GRB2: variants seen among roughly 807,000 people sequenced by gnomAD.
The protein encoded by GRB2 is growth factor receptor bound protein 2.
GRB2 carries 2 observed loss-of-function variants against 27.4 expected under a neutral mutation model. The ratio of observed to expected loss-of-function variants is 0.07; its 90% confidence interval spans 0.03 to 0.23. GRB2 has a LOEUF of 0.23. Among genes scored for constraint, GRB2 ranks in the 10% least tolerant of loss-of-function variants. GRB2 has a pLI of 1.00. For synonymous variants in GRB2, 94 were observed against 99.6 expected (o/e 0.94, Z 0.33); for missense variants, 102 against 282.4 (o/e 0.36, Z 4.58).
chr17:75,371,393 A>C (rs865785296), intron 2 of GRB2: 1 of 152,192 alleles, frequency 6.6e-6, no homozygotes. Flanking sequence ...CTCAGGCAGG[A>C]CAACATTGAG....
chr17:75,355,177 C>G (rs1418415190), intron 2 of GRB2, among the ~76,000 whole-genome samples: 1 of 152,218 alleles, frequency 6.6e-6, no homozygotes, highest in Non-Finnish European at 1.5e-5. Flanking sequence ...TGAATCCCAT[C>G]TCTTCTTGCC....
chr17:75,399,217 T>C (rs1274677012), intron 1 of GRB2, among the ~76,000 whole-genome samples: 2 of 151,068 alleles, frequency 1.3e-5, no homozygotes, highest in East Asian at 3.9e-4. Flanking sequence ...CTGGCTAATT[T>C]TTGTGTGTGT....
intron 2 of GRB2, chr17:75,371,787 G>C (rs1224138819): frequency 6.6e-6 from 1 of 151,616 alleles, no homozygotes; most frequent in Non-Finnish European, 1.5e-5. Flanking sequence ...GCAACTAACT[G>C]AAAATTGACA....
intron 2 of GRB2, among the ~76,000 whole-genome samples, chr17:75,390,392 G>T (rs968924724): frequency 1.3e-5 from 2 of 152,166 alleles, no homozygotes; most frequent in Non-Finnish European, 2.9e-5. Flanking sequence ...CTATTTAGGG[G>T]TCTTGTCAGT....
intron 2 of GRB2, among the ~76,000 whole-genome samples, chr17:75,389,240 CACA>C (rs779153206): frequency 5.9e-5 from 9 of 152,174 alleles, no homozygotes; most frequent in African/African-American, 9.6e-5. Flanking sequence ...CTATCTCAAA[CACA>C]ACAAGCACAA....
At chr17:75,350,139 G>A (rs924024776) in intron 2 of GRB2, among the ~76,000 whole-genome samples, 2 of 150,012 alleles carry the variant, frequency 1.3e-5, no homozygotes, top group African/African-American at 4.9e-5. Flanking sequence ...GATCCCTTAA[G>A]CCCAGCAGTT....
intron 2 of GRB2, among the ~76,000 whole-genome samples, chr17:75,381,330 A>G (rs1027900189): frequency 2.0e-5 from 3 of 152,198 alleles, no homozygotes; most frequent in African/African-American, 7.2e-5. Context: ...AATGTAAGCT[A>G]AAGTAATTTA....
chr17:75,373,576 G>A (rs2145856736), intron 2 of GRB2: 1 of 152,264 alleles, frequency 6.6e-6, no homozygotes, highest in East Asian at 1.9e-4. Flanking sequence ...GCAGTCCTGA[G>A]TGCTGCTAAA....
At chr17:75,336,789 G>A (rs774349371) in intron 2 of GRB2, among the ~76,000 whole-genome samples, 3 of 152,146 alleles carry the variant, frequency 2.0e-5, no homozygotes, top group Non-Finnish European at 4.4e-5. Context: ...CCAGGCTGCA[G>A]TGGAGTGGCA....
At position 75,320,190 on chromosome 17, in the gene GRB2, T is replaced by A; in HGVS notation, c.*178A>T. The A allele has an allele frequency of 1.8e-6, 1 of 562,200 alleles. No individual in the cohort carries two copies. The highest frequency in any genetic ancestry group is 3.2e-6 in the Non-Finnish European group (1 of 309,314). 34.8% of individuals were successfully genotyped at this position (562,200 alleles called of 1,614,324 possible). On this transcript the variant is annotated 3_prime_UTR_variant, in exon 6 of 6. Coordinates refer to ENST00000316804, the MANE Select transcript of GRB2 (RefSeq NM_002086.5). This position sits in a 1 kb window ranked among gnomAD's most constrained non-coding sequence, Gnocchi z 4.3. ...ATTTATAGGTAAGTTTTGGCATTTT[T>A]AAATCCAACGCCCCCTCCCACCCCC...
intron 2 of GRB2, among the ~76,000 whole-genome samples, chr17:75,333,229 C>T (rs939654821): frequency 5.3e-5 from 8 of 152,156 alleles, no homozygotes; most frequent in Admixed American, 1.3e-4. Context: ...GCGCATGCCA[C>T]GTTGCCCAGC....
At chr17:75,337,791 G>A (rs930163222) in intron 2 of GRB2, among the ~76,000 whole-genome samples, 2 of 150,108 alleles carry the variant, frequency 1.3e-5, no homozygotes, top group Non-Finnish European at 3.0e-5. Context: ...GGACGGTCTT[G>A]ATCTGACCTC....
chr17:75,325,232 G>A (rs193086475), intron 4 of GRB2, among the ~76,000 whole-genome samples: 1 of 152,090 alleles, frequency 6.6e-6, no homozygotes, highest in Non-Finnish European at 1.5e-5. Flanking sequence ...CTCCTGGGGA[G>A]GGTCCTATGA....
intron 2 of GRB2, chr17:75,339,246 T>C (rs2078604063): frequency 3.1e-6 from 2 of 638,320 alleles, no homozygotes; most frequent in Non-Finnish European, 2.7e-6. Flanking sequence ...CAGGCTGGAG[T>C]GCAGTGGCAC....
rs906551249 is a variant in GRB2 at position 75,366,624 on chromosome 17, T to C, written c.78+26927A>G. ...AGCCAGCCTGGGCACCTGGGCAACATGGCAAAACCCCATCTCCACAAAAAA... is the reference window on the plus strand; with the variant it reads ...AGCCAGCCTGGGCACCTGGGCAACACGGCAAAACCCCATCTCCACAAAAAA... On this transcript the variant is annotated intron_variant, in intron 2 of 5. Transcript: ENST00000316804. Among the ~76,000 whole-genome samples, 8 of 151,412 alleles carry C rather than the reference T, an allele frequency of 5.3e-5. No individual in the cohort carries two copies. The East Asian group carries it at 5.8e-4, about 11-fold the overall frequency.
chr17:75,354,323 G>A (rs529898306), intron 2 of GRB2, among the ~76,000 whole-genome samples: 8 of 150,776 alleles, frequency 5.3e-5, no homozygotes, highest in East Asian at 3.9e-4. Flanking sequence ...GCAATGGTGC[G>A]ATCTCTGCTC....
At chr17:75,388,916 C>T (rs898638849) in intron 2 of GRB2, among the ~76,000 whole-genome samples, 6 of 152,120 alleles carry the variant, frequency 3.9e-5, no homozygotes, top group Non-Finnish European at 8.8e-5. Context: ...TATTAAAATG[C>T]CCCTATCTGA....
intron 2 of GRB2, among the ~76,000 whole-genome samples, chr17:75,349,906 T>C (rs2078678992): frequency 6.6e-6 from 1 of 152,118 alleles, no homozygotes; most frequent in African/African-American, 2.4e-5. Context: ...TAATACTTAG[T>C]GATAGGGATA....
chr17:75,341,238 C>T (rs1417825946), intron 2 of GRB2, among the ~76,000 whole-genome samples: 1 of 151,796 alleles, frequency 6.6e-6, no homozygotes, highest in Non-Finnish European at 1.5e-5. Flanking sequence ...TCGAGACCAG[C>T]CTGGTCAACA....
Sources: allele counts gnomAD v4.1 joint callset (sites outside exome capture counted in the v4.1 genomes callset), GRCh38; gene constraint gnomAD v4.1.1; non-coding constraint Gnocchi (gnomAD v3.1); transcripts MANE v1.5; gene names NCBI Gene and HGNC (gene_info 2026-07-23, HGNC 2026-07-21).